The following PIGN variants were observed in gnomAD, a reference collection of about 807,000 sequenced individuals.
PIGN encodes phosphatidylinositol glycan anchor biosynthesis class N.
Under a neutral mutation model 125.4 loss-of-function variants are expected in PIGN, and 117 were observed. The observed-to-expected ratio is 0.93, with a 90% confidence interval of 0.80 to 1.09. The LOEUF is 1.09. Among genes scored for constraint, PIGN ranks in the 50% least tolerant of loss-of-function variants. PIGN has a pLI of 0.00. For missense variants in PIGN, 1,075 were observed against 1,094.9 expected, an observed-to-expected ratio of 0.98 and a Z score of 0.26; for synonymous variants, 392 against 377.8, an observed-to-expected ratio of 1.04 and a Z score of -0.44.
At chr18:62,099,140 A>G (rs1599515828) in intron 22 of PIGN, among the ~76,000 whole-genome samples, 1 of 151,974 alleles carries the variant, frequency 6.6e-6, no homozygotes, top group African/African-American at 2.4e-5. Flanking sequence ...TAGTTAAAAG[A>G]AAAAAAATTG....
chr18:62,125,218 G>A lies in PIGN; in HGVS notation c.1173-10579C>T, dbSNP rs145126437. The stretch of plus-strand genomic sequence containing the variant: ...TACATATGTGTATATAAATATACAC[G>A]TTTGTACATATGTGTATATAAATAT... On this transcript the variant is annotated intron_variant, in intron 14 of 30. Transcript: ENST00000640252. 1.4e-3 allele frequency among the ~76,000 whole-genome samples: 213 copies of A among 148,194 alleles called. 2 individuals are homozygous for A. Among genetic ancestry groups the A allele is most frequent in the African/African-American group, 4.9e-3 (197 of 40,116 alleles).
rs2032887134 is a variant in PIGN, at chr18:62,071,886, A to ATATATATATATATATG, written c.2672+786_2672+787insCATATATATATATATA. 6.4e-4 allele frequency among the ~76,000 whole-genome samples: 81 copies of ATATATATATATATATG among 126,428 alleles called. 1 individual carries two copies. The highest frequency in any genetic ancestry group is 2.4e-3 in the African/African-American group (79 of 33,538). The allele number at this position is 126,428 out of a possible 152,430, so 82.9% of individuals were successfully genotyped here. A position where few individuals can be genotyped will look rare whatever the true frequency, so the allele number is the denominator to read the frequency against. ...TCCATATATATATATATATATATAT[A>ATATATATATATATATG]TATATATATATATATATATATATAA... On this transcript the variant is annotated intron_variant, in intron 30 of 30. Transcript: ENST00000640252.
At chr18:62,083,544 T>C (rs371737438) in intron 27 of PIGN, among the ~76,000 whole-genome samples, 6 of 152,100 alleles carry the variant, frequency 3.9e-5, no homozygotes, top group African/African-American at 1.4e-4. Context: ...AGTCATCAAG[T>C]GTATTATGTC....
chr18:62,101,234 CTA>C (rs1353223295), intron 21 of PIGN, 51 bp from the exon 22 acceptor site: 16 of 995,730 alleles, frequency 1.6e-5, no homozygotes, highest in Non-Finnish European at 2.5e-5. Flanking sequence ...GTGAAAGACT[CTA>C]ACTAGCAAGA....
intron 30 of PIGN, among the ~76,000 whole-genome samples, chr18:62,057,452 T>C (rs1304377054): frequency 6.6e-6 from 1 of 152,162 alleles, no homozygotes; most frequent in Non-Finnish European, 1.5e-5. Flanking sequence ...TCTCTGAAAA[T>C]ATTTTCTAAG....
chr18:62,040,292 G>A (rs1774732348), downstream of PIGN, among the ~76,000 whole-genome samples: 2 of 148,796 alleles, frequency 1.3e-5, no homozygotes, highest in African/African-American at 5.0e-5. Context: ...CGCACCGCAT[G>A]TTTAGGGCCC....
chr18:62,063,290 TAGCCAAA>T (rs1171810507), intron 30 of PIGN, among the ~76,000 whole-genome samples: 7 of 145,452 alleles, frequency 4.8e-5, no homozygotes, highest in Non-Finnish European at 7.6e-5. Context: ...TTATAGATTT[TAGCCAAA>T]ATCTATGGTT....
At chr18:62,166,276 C>A (rs1370890141) in intron 1 of PIGN, among the ~76,000 whole-genome samples, 1 of 152,198 alleles carries the variant, frequency 6.6e-6, no homozygotes, top group Non-Finnish European at 1.5e-5. Flanking sequence ...CTGCAGCAGG[C>A]TTCTTCTCAT....
chr18:62,121,996 C>T (rs2035325718), intron 14 of PIGN, among the ~76,000 whole-genome samples: 1 of 151,972 alleles, frequency 6.6e-6, no homozygotes, highest in Non-Finnish European at 1.5e-5. Flanking sequence ...ACCAACAGTA[C>T]ACAGGGAGTA....
At chr18:62,125,473 A>T (rs1313426933) in intron 14 of PIGN, among the ~76,000 whole-genome samples, 2 of 152,028 alleles carry the variant, frequency 1.3e-5, no homozygotes, top group African/African-American at 2.4e-5. Context: ...TTTTGATTAT[A>T]AGCAATCCTA....
intron 30 of PIGN, chr18:62,051,947 C>A (rs1332956536): frequency 2.0e-5 from 3 of 151,924 alleles, no homozygotes; most frequent in African/African-American, 7.3e-5. Context: ...TTCTGCCTTC[C>A]TTTCATTATG....
chr18:62,054,958 A>T (rs1013198233), intron 30 of PIGN, among the ~76,000 whole-genome samples: 3 of 152,238 alleles, frequency 2.0e-5, no homozygotes, highest in Non-Finnish European at 4.4e-5. Context: ...AGTGTTCAAC[A>T]TCATTAACTA....
At chr18:62,143,654 G>C (rs1313525896) in intron 10 of PIGN, among the ~76,000 whole-genome samples, 1 of 152,130 alleles carries the variant, frequency 6.6e-6, no homozygotes, top group Non-Finnish European at 1.5e-5. Context: ...AAAGCACAAT[G>C]GTAACAACTG....
At position 62,161,370 on chromosome 18, in the gene PIGN, T is replaced by C. The variant is rs1327479258; in HGVS notation, c.-17A>G. On this transcript the variant is annotated 5_prime_UTR_variant, in exon 4 of 31. Coordinates refer to ENST00000640252, the MANE Select transcript of PIGN (RefSeq NM_176787.5). Reference sequence around the variant, plus strand: ...CAGCAGCATATCCAGTGTAACTAATTAGTCTTCAAGAACAGCTGAAAGAGA... The same window carrying C: ...CAGCAGCATATCCAGTGTAACTAATCAGTCTTCAAGAACAGCTGAAAGAGA... The C allele has an allele frequency of 5.8e-6, 9 of 1,563,920 alleles. No homozygotes were observed. The highest frequency in any genetic ancestry group is 5.4e-5 in the African/African-American group (4 of 74,054).
At chr18:62,125,779 C>A (rs750727912) in intron 14 of PIGN, among the ~76,000 whole-genome samples, 2 of 151,738 alleles carry the variant, frequency 1.3e-5, no homozygotes, top group African/African-American at 4.8e-5. Context: ...TATTCTATTA[C>A]GAAAAAACTT....
At chr18:62,018,061 G>A (rs1342168312) in intron 23 of PIGN, among the ~76,000 whole-genome samples, 1 of 152,244 alleles carries the variant, frequency 6.6e-6, no homozygotes, top group African/African-American at 2.4e-5. Flanking sequence ...AGAACAGTCA[G>A]AGGCTTTGGC....
chr18:62,063,827 G>A (rs2032343662), intron 30 of PIGN, among the ~76,000 whole-genome samples: 1 of 149,202 alleles, frequency 6.7e-6, no homozygotes, highest in South Asian at 2.2e-4. Context: ...CTATTGTGAG[G>A]ACAGAAAACC....
chr18:62,032,635 G>A (rs725599), intron 23 of PIGN, among the ~76,000 whole-genome samples: 32,343 of 152,168 alleles, frequency 0.21, 3,736 homozygotes, highest in East Asian at 0.31. Flanking sequence ...AAGACAAAAT[G>A]TTTGGGAAAA....
intron 30 of PIGN, among the ~76,000 whole-genome samples, chr18:62,057,067 A>G (rs1168665416): frequency 6.6e-6 from 1 of 152,142 alleles, no homozygotes; most frequent in East Asian, 1.9e-4. Context: ...CTGGTGCCAA[A>G]ATGACTGGGG....
Sources: allele counts gnomAD v4.1 joint callset (sites outside exome capture counted in the v4.1 genomes callset), GRCh38; gene constraint gnomAD v4.1.1; transcripts MANE v1.5; gene names NCBI Gene and HGNC (gene_info 2026-07-23, HGNC 2026-07-21).